Variants in HMG20B observed in about 807,000 individuals in gnomAD.
HMG20B encodes high mobility group 20B.
A neutral mutation model predicts 41.6 loss-of-function variants in HMG20B; 24 were observed. The observed-to-expected ratio is 0.58, with a 90% confidence interval of 0.42 to 0.81. The LOEUF is 0.81. HMG20B is among the 30% of genes least tolerant of loss of function. The pLI, the probability that HMG20B is intolerant of heterozygous loss-of-function variation, is 0.00. For missense variants in HMG20B, 461 were observed against 444.0 expected (o/e 1.04, Z -0.34); for synonymous variants, 251 against 186.6 (o/e 1.34, Z -2.81).
chr19:3,574,655 C>T, intron 4 of HMG20B, 69 bp downstream of exon 4: 4 of 1,369,228 alleles, frequency 2.9e-6, no homozygotes, highest in South Asian at 1.3e-5. Context: ...CCCCGACCCC[C>T]AAAGGATTCC....
chr19:3,576,197 AG>A, intron 5 of HMG20B, 63 bp from the exon 6 acceptor site: 1 of 1,467,708 alleles, frequency 6.8e-7, no homozygotes, highest in South Asian at 1.1e-5. Flanking sequence ...GCGCTGACCT[AG>A]GGTGCAGGGC....
chr19:3,577,480 C>T (rs35682312), intron 8 of HMG20B, among the ~76,000 whole-genome samples: 35,293 of 108,026 alleles, frequency 0.33, 7,716 homozygotes, highest in East Asian at 0.94. Flanking sequence ...CCCCACCCTT[C>T]GCGCCCCCAC....
At chr19:3,576,479 A>G in intron 6 of HMG20B, 74 bp from the exon 7 acceptor site, 1 of 1,432,334 alleles carries the variant, frequency 7.0e-7, no homozygotes, top group East Asian at 2.3e-5. Context: ...AGACCCTCCT[A>G]GGCTTGGGGC....
At chr19:3,573,640 G>A in intron 2 of HMG20B, 52 bp from the exon 3 acceptor site, 1 of 1,421,278 alleles carries the variant, frequency 7.0e-7, no homozygotes, top group Non-Finnish European at 9.2e-7. Context: ...GTGGGCTTTT[G>A]GGGGAGGGGA....
chr19:3,577,165 C>CCCCCCTCCTCCCTT, intron 8 of HMG20B, 58 bp downstream of exon 8: 1 of 1,193,210 alleles, frequency 8.4e-7, no homozygotes, highest in East Asian at 2.8e-5. Flanking sequence ...GCCCGCCTCC[C>CCCCCCTCCTCCCTT]CCCCCCTCCT....
At chr19:3,573,849 G>A in intron 3 of HMG20B, 49 bp downstream of exon 3, 1 of 1,480,062 alleles carries the variant, frequency 6.8e-7, no homozygotes, top group South Asian at 1.2e-5. Flanking sequence ...TCCCGCCCCA[G>A]CCTCGAAGCC....
intron 1 of HMG20B, 115 bp from the exon 2 acceptor site, chr19:3,573,161 GCCCCTGGATCCGGCCC>G: frequency 3.0e-6 from 2 of 669,752 alleles, no homozygotes; most frequent in South Asian, 4.4e-5. Context: ...GGACTTCCCT[GCCCCTGGATCCGGCCC>G]CCCCAGCGCT....
In HMG20B at chr19:3,575,647, G is replaced by T. The variant is rs761226322; in HGVS notation, c.459G>T (p.Lys153Asn). 5.2e-6 allele frequency: 8 copies of T among 1,550,798 alleles called. No homozygotes were observed. The highest frequency in any genetic ancestry group is 3.6e-5 in the South Asian group (3 of 84,040). ...YKMCTEKIQE[K>N]KIKKEDSSSG... Reference sequence around the variant, plus strand: ...TGTGCACGGAGAAGATCCAGGAGAAGAAGATCAAGAAAGGTGGGAGGGGTC... The same window carrying T: ...TGTGCACGGAGAAGATCCAGGAGAATAAGATCAAGAAAGGTGGGAGGGGTC... Residue 153 changes from lysine to asparagine, a missense_variant, in exon 5 of 10, where the codon AAG (lysine) becomes AAT (asparagine). Coordinates refer to ENST00000333651, the MANE Select transcript of HMG20B (RefSeq NM_006339.3).
chr19:3,576,287 ACT>A lies in HMG20B; in HGVS notation c.503_504del (p.Leu168ProfsTer22), dbSNP rs1297530036. 6.2e-7 allele frequency: 1 copy of A among 1,613,238 alleles called. No homozygotes were observed. Among genetic ancestry groups the A allele is most frequent in the Admixed American group, 1.7e-5 (1 of 59,916 alleles). On this transcript the variant is annotated frameshift_variant, in exon 6 of 10. Transcript: ENST00000333651. LOFTEE classifies it high-confidence loss of function. ...KEDSSSGLMN[T>X]LLNGHKGGDC... is the part of the protein sequence containing the mutation. ...AGACTCGAGCTCTGGGCTCATGAAC[ACT>A]CTCCTGAATGGACACAAGGTAAGCG...
rs778471869 is a variant in HMG20B, at chr19:3,578,061, C to G, written c.889C>G (p.Gln297Glu). 1 of 1,611,368 alleles carries G rather than the reference C, an allele frequency of 6.2e-7. No homozygotes were observed. Residue 297 changes from glutamine to glutamate, a missense_variant, in exon 9 of 10, where the codon CAG (glutamine) becomes GAG (glutamate). Physicochemically the swap from Gln to Glu is conservative, Grantham distance 29. Coordinates refer to ENST00000333651, the MANE Select transcript of HMG20B (RefSeq NM_006339.3). ...CGGAGCCATCGAGCGCGACCCCGCC[C>G]AGCACGAGAAGCTCATCGTCCGCAT... ...LHGAIERDPAQHEKLIVRIKE... is the reference protein window; with the variant it reads ...LHGAIERDPAEHEKLIVRIKE...
chr19:3,576,850 A>T (rs1434367537), intron 7 of HMG20B, 42 bp from the exon 8 acceptor site: 1 of 1,544,622 alleles, frequency 6.5e-7, no homozygotes, highest in Non-Finnish European at 8.7e-7. Flanking sequence ...GAGGTAGGGG[A>T]AAGGGGAGGC....
intron 1 of HMG20B, 98 bp from the exon 2 acceptor site, chr19:3,573,194 C>A: frequency 1.0e-6 from 1 of 999,424 alleles, no homozygotes; most frequent in Non-Finnish European, 1.4e-6. Flanking sequence ...CGCTCCGGGC[C>A]CGGCATCCCG....
At chr19:3,576,651 C>G (rs1462483843) in intron 7 of HMG20B, 26 bp downstream of exon 7, 5 of 1,592,282 alleles carry the variant, frequency 3.1e-6, no homozygotes, top group Middle Eastern at 1.7e-4. Context: ...GCTCCTGATG[C>G]GAACTCCGTG....
chr19:3,573,833 C>T (rs1391176228), intron 3 of HMG20B, 33 bp downstream of exon 3: 1 of 1,544,728 alleles, frequency 6.5e-7, no homozygotes, highest in East Asian at 2.3e-5. Context: ...GGGGGAGGCC[C>T]CGGGCTCCCG....
chr19:3,573,106 GGGGGCAATCGCCCAACAAAGGATTCTT>G (rs2032076316), intron 1 of HMG20B, 112 bp downstream of exon 1: 2 of 513,650 alleles, frequency 3.9e-6, no homozygotes, highest in Non-Finnish European at 6.8e-6. Flanking sequence ...GCCTCCCGGG[GGGGGCAATCGCCCAACAAAGGATTCTT>G]GGGGCGCCCG....
In HMG20B at chr19:3,578,934, G is replaced by T. The variant is rs1261443330; in HGVS notation, c.*413G>T. On this transcript the variant is annotated 3_prime_UTR_variant, in exon 10 of 10. Transcript: ENST00000333651. ...AGCTGCCTTGTGGGGACTTACCTGG[G>T]GTGTCCCCCGCATGCCTGTACCCCA... is the stretch of plus-strand genomic sequence containing the variant. The T allele has an allele frequency of 2.3e-6, 1 of 431,962 alleles. No individual in the cohort carries two copies. Among genetic ancestry groups the T allele is most frequent in the African/African-American group, 2.2e-5 (1 of 44,804 alleles). The allele number at this position is 431,962 out of a possible 1,614,324, so 26.8% of individuals were successfully genotyped here. A position where few individuals can be genotyped will look rare whatever the true frequency, so the allele number is the denominator to read the frequency against.
At chr19:3,577,623 A>G (rs956797091) in intron 8 of HMG20B, among the ~76,000 whole-genome samples, 1 of 5,792 alleles carries the variant, frequency 1.7e-4, no homozygotes, top group Non-Finnish European at 3.4e-4. Flanking sequence ...CCCGTCACCC[A>G]TCCCTCCCCA....
At chr19:3,577,903 A>C in intron 8 of HMG20B, 78 bp from the exon 9 acceptor site, 1 of 1,340,502 alleles carries the variant, frequency 7.5e-7, no homozygotes, top group Non-Finnish European at 1.0e-6. Context: ...GCCCTGAGTC[A>C]CCCCCTACCG....
At position 3,576,899 on chromosome 19, in the gene HMG20B, G is replaced by C; in HGVS notation, c.600G>C (p.Glu200Asp). ...CCGCTCCCCCCGGCGCAGCGCGTGA[G>C]GCGGAGCTTCGGCGCTTGCGGAAGA... is the stretch of plus-strand genomic sequence containing the variant. The part of the protein sequence containing the change: ...EEFLDQNKAR[E>D]AELRRLRKMN... Residue 200 changes from glutamate (E) to aspartate (D), a missense_variant, in exon 8 of 10, where the codon GAG becomes GAC. Transcript: ENST00000333651. The C allele has an allele frequency of 6.4e-7, 1 of 1,570,790 alleles. No homozygotes were observed. The highest frequency in any genetic ancestry group is 8.6e-7 in the Non-Finnish European group (1 of 1,159,766).
Sources: allele counts gnomAD v4.1 joint callset (sites outside exome capture counted in the v4.1 genomes callset), GRCh38; gene constraint gnomAD v4.1.1; transcripts MANE v1.5; gene names NCBI Gene and HGNC (gene_info 2026-07-23, HGNC 2026-07-21).